Variants in NBAS observed in about 807,000 individuals in gnomAD.
NBAS encodes the protein NBAS subunit of NRZ tethering complex, also known as NAG/BC035112 fusion.
Under a neutral mutation model 302.5 loss-of-function variants are expected in NBAS, and 219 were observed. That is an observed-to-expected ratio of 0.72 (90% confidence interval 0.65 to 0.81). The LOEUF (loss-of-function observed/expected upper bound fraction) is 0.81. NBAS is among the 30% of genes least tolerant of loss of function. The pLI, the probability that NBAS is intolerant of heterozygous loss-of-function variation, is 0.00. For synonymous variants in NBAS, 1,118 were observed against 1,021.6 expected (o/e 1.09, Z -1.80); for missense variants, 2,932 against 2,841.6 (o/e 1.03, Z -0.72).
At chr2:15,020,103 C>T in the NBAS span, among the ~76,000 whole-genome samples, 3 of 152,190 alleles carry the variant, frequency 2.0e-5, no homozygotes, top group Admixed American at 2.0e-4. Flanking sequence ...TTCTGTTTAA[C>T]TCCCAAGTCT....
At chr2:15,060,792 T>C in the NBAS span, among the ~76,000 whole-genome samples, 1 of 152,138 alleles carries the variant, frequency 6.6e-6, no homozygotes, top group East Asian at 1.9e-4. Context: ...CCTTCAGAGG[T>C]TGCTGGGAGG....
intron 29 of NBAS, among the ~76,000 whole-genome samples, chr2:15,381,212 T>C (rs1298192779): frequency 6.6e-6 from 1 of 152,160 alleles, no homozygotes; most frequent in Non-Finnish European, 1.5e-5. Flanking sequence ...ACAACATAGA[T>C]TTCTGTTCTA....
At chr2:15,453,403 G>A (rs748507978) in intron 21 of NBAS, among the ~76,000 whole-genome samples, 1 of 152,120 alleles carries the variant, frequency 6.6e-6, no homozygotes, top group Non-Finnish European at 1.5e-5. Context: ...CTGTGCTCTA[G>A]GAAAACAGCA....
At chr2:15,522,992 G>A (rs1486603381) in intron 9 of NBAS, among the ~76,000 whole-genome samples, 1 of 152,158 alleles carries the variant, frequency 6.6e-6, no homozygotes, top group African/African-American at 2.4e-5. Flanking sequence ...TACATAGTCT[G>A]TTTACAAGAT....
intron 44 of NBAS, among the ~76,000 whole-genome samples, chr2:15,262,947 T>A (rs1456394410): frequency 6.6e-6 from 1 of 152,076 alleles, no homozygotes; most frequent in African/African-American, 2.4e-5. Flanking sequence ...TTCAGGAAAA[T>A]ACAGTATGAA....
At chr2:15,458,814 C>T (rs1481304715) in intron 21 of NBAS, among the ~76,000 whole-genome samples, 1 of 152,114 alleles carries the variant, frequency 6.6e-6, no homozygotes, top group Admixed American at 6.5e-5. Context: ...GTGTGAAAGA[C>T]TTTCTTGAGA....
the NBAS span, among the ~76,000 whole-genome samples, chr2:15,039,958 G>A: frequency 1.3e-4 from 20 of 152,222 alleles, no homozygotes; most frequent in African/African-American, 4.8e-4. Context: ...CAGGCAGGTG[G>A]TGATGTGAGT....
chr2:15,272,837 T>G (rs969298120), intron 44 of NBAS, among the ~76,000 whole-genome samples: 9 of 152,208 alleles, frequency 5.9e-5, no homozygotes, highest in African/African-American at 2.2e-4. Context: ...CCACATATTT[T>G]CAGGGGTTGG....
the NBAS span, among the ~76,000 whole-genome samples, chr2:14,922,880 C>T: frequency 5.9e-5 from 9 of 152,176 alleles, no homozygotes; most frequent in East Asian, 1.2e-3. Flanking sequence ...GGGCCGGGTG[C>T]GGTGGCTCAC....
At chr2:15,332,069 A>C (rs1672380095) in intron 35 of NBAS, among the ~76,000 whole-genome samples, 1 of 152,228 alleles carries the variant, frequency 6.6e-6, no homozygotes, top group African/African-American at 2.4e-5. Context: ...AGGGAACCAC[A>C]GGCCAAAGAA....
chr2:15,130,756 G>A, the NBAS span, among the ~76,000 whole-genome samples: 7 of 152,166 alleles, frequency 4.6e-5, no homozygotes, highest in African/African-American at 1.7e-4. Context: ...CGAAGTCTCC[G>A]CTAAGCCATT....
intron 7 of NBAS, 112 bp from the exon 8 acceptor site, chr2:15,536,663 G>A (rs1363648845): frequency 2.0e-6 from 2 of 999,210 alleles, no homozygotes; most frequent in Non-Finnish European, 3.0e-6. Flanking sequence ...CTTTATGTAA[G>A]ATAACTTCAG....
chr2:15,008,301 C>A, the NBAS span, among the ~76,000 whole-genome samples: 1 of 152,238 alleles, frequency 6.6e-6, no homozygotes, highest in African/African-American at 2.4e-5. Context: ...GAGTACACCA[C>A]TCTTGTGTGC....
chr2:14,960,583 C>A, the NBAS span, among the ~76,000 whole-genome samples: 3 of 152,148 alleles, frequency 2.0e-5, no homozygotes, highest in African/African-American at 7.2e-5. Flanking sequence ...TGCTTTAAAA[C>A]AAAGACACTC....
In NBAS at chr2:15,179,141, C is replaced by T. The variant is rs200775035; in HGVS notation, c.6712-25G>A. 7.9e-5 allele frequency: 127 copies of T among 1,613,616 alleles called. 1 individual carries two copies. The highest frequency in any genetic ancestry group is 3.3e-4 in the Middle Eastern group (2 of 5,982). Reference sequence around the variant, plus strand: ...CCTGAAACCACAGAGCAGGGGTGAGCGAGAACTCCACGACGTACTTCTCAC... The same window carrying T: ...CCTGAAACCACAGAGCAGGGGTGAGTGAGAACTCCACGACGTACTTCTCAC... On this transcript the variant is annotated intron_variant, in intron 50 of 51. Transcript: ENST00000281513.
At chr2:15,239,512 C>T (rs1667765612) in intron 44 of NBAS, among the ~76,000 whole-genome samples, 1 of 151,268 alleles carries the variant, frequency 6.6e-6, no homozygotes, top group Non-Finnish European at 1.5e-5. Context: ...AATTTAGCAT[C>T]CCTAATTCAA....
intron 50 of NBAS, chr2:15,179,419 C>T: frequency 3.0e-6 from 1 of 335,874 alleles, no homozygotes; most frequent in Non-Finnish European, 5.7e-6. Context: ...CTCTCACAGC[C>T]CTAATTTCCT....
At chr2:14,990,346 C>A in the NBAS span, among the ~76,000 whole-genome samples, 1 of 151,090 alleles carries the variant, frequency 6.6e-6, no homozygotes, top group Non-Finnish European at 1.5e-5. Context: ...ATCGATTGAA[C>A]CTGGGAGGCA....
At chr2:15,115,511 T>G in the NBAS span, among the ~76,000 whole-genome samples, 3 of 152,024 alleles carry the variant, frequency 2.0e-5, no homozygotes, top group Non-Finnish European at 2.9e-5. Flanking sequence ...TTATAATAAC[T>G]TTTTTTTAGA....
Sources: gnomAD v4.1 joint callset for allele counts (sites outside exome capture counted in the v4.1 genomes callset) on GRCh38, gnomAD v4.1.1 for gene constraint, MANE v1.5 for transcripts, NCBI Gene and HGNC (gene_info 2026-07-23, HGNC 2026-07-21) for gene names.